Variants in ZIM2 observed in about 807,000 individuals in gnomAD.
ZIM2 encodes the protein zinc finger protein 656.
In ZIM2, 14 loss-of-function variants were observed where a neutral mutation model predicts 38.6. The ratio of observed to expected loss-of-function variants is 0.36; its 90% confidence interval spans 0.24 to 0.57. ZIM2 has a LOEUF of 0.57. ZIM2 is among the 20% of genes least tolerant of loss of function. The pLI is 0.81. For missense variants in ZIM2, 680 were observed against 695.1 expected (o/e 0.98, Z 0.24); for synonymous variants, 247 against 245.8 (o/e 1.00, Z -0.04).
At chr19:56,783,810 G>C (rs547158387) in intron 10 of ZIM2, among the ~76,000 whole-genome samples, 2 of 152,080 alleles carry the variant, frequency 1.3e-5, no homozygotes, top group Non-Finnish European at 2.9e-5. Context: ...ACCTGCACAT[G>C]TGTGCCCTGA....
chr19:56,820,056 T>C (rs759189024), intron 7 of ZIM2, among the ~76,000 whole-genome samples: 4 of 152,224 alleles, frequency 2.6e-5, no homozygotes, highest in East Asian at 1.9e-4. Flanking sequence ...CACGCTTTGA[T>C]TGAAAATTAA....
intron 9 of ZIM2, chr19:56,816,326 T>C: frequency 1.9e-6 from 3 of 1,614,160 alleles, no homozygotes; most frequent in Non-Finnish European, 2.5e-6. Flanking sequence ...CGAGAATGAA[T>C]TTTCTGATGC....
intron 9 of ZIM2, among the ~76,000 whole-genome samples, chr19:56,801,176 T>C (rs1056872426): frequency 6.6e-6 from 1 of 152,094 alleles, no homozygotes; most frequent in Admixed American, 6.5e-5. Context: ...GACCTCGTGA[T>C]CCACCTGCCT....
intron 7 of ZIM2, among the ~76,000 whole-genome samples, chr19:56,820,234 G>A (rs2060351493): frequency 6.6e-6 from 1 of 152,186 alleles, no homozygotes; most frequent in Non-Finnish European, 1.5e-5. Context: ...CTATACATGT[G>A]AACAATTAAG....
chr19:56,790,521 G>C (rs1234985660), intron 9 of ZIM2, among the ~76,000 whole-genome samples: 2 of 152,144 alleles, frequency 1.3e-5, no homozygotes, highest in Non-Finnish European at 2.9e-5. Context: ...CTACCCCTTA[G>C]TCACTTATTA....
chr19:56,797,807 C>T (rs556755512), intron 9 of ZIM2, among the ~76,000 whole-genome samples: 22 of 152,204 alleles, frequency 1.4e-4, no homozygotes, highest in African/African-American at 5.3e-4. Context: ...TGGGAGACTA[C>T]CTGAGACAGG....
chr19:56,816,568 T>C, intron 9 of ZIM2: 3 of 1,614,068 alleles, frequency 1.9e-6, no homozygotes, highest in Non-Finnish European at 2.5e-6. Flanking sequence ...TTCGTACATT[T>C]TCTCTTTACC....
At chr19:56,812,017 T>A in intron 9 of ZIM2, 1 of 984,982 alleles carries the variant, frequency 1.0e-6, no homozygotes, top group South Asian at 4.7e-5. Flanking sequence ...CAAGCCCTAA[T>A]CCTGCAGATC....
intron 3 of ZIM2, chr19:56,824,873 C>T (rs1418488011): frequency 3.7e-6 from 2 of 535,988 alleles, no homozygotes; most frequent in African/African-American, 3.8e-5. Flanking sequence ...AACAACCGCA[C>T]AAAGTTGGCC....
intron 9 of ZIM2, chr19:56,793,050 T>G (rs1476551612): frequency 1.3e-5 from 2 of 152,750 alleles, no homozygotes; most frequent in Non-Finnish European, 2.9e-5. Context: ...TTCCTGCCTC[T>G]TTGCTGTTCT....
At chr19:56,838,509 C>G (rs1304897077) in intron 1 of ZIM2, among the ~76,000 whole-genome samples, 1 of 152,128 alleles carries the variant, frequency 6.6e-6, no homozygotes, top group Non-Finnish European at 1.5e-5. Flanking sequence ...CCTCGCAGCT[C>G]CCCCACTAAG....
chr19:56,825,206 C>T (rs2060902358), intron 3 of ZIM2, among the ~76,000 whole-genome samples: 1 of 152,192 alleles, frequency 6.6e-6, no homozygotes, highest in African/African-American at 2.4e-5. Context: ...GGAGTTGGGG[C>T]AAATCCTCCC....
chr19:56,792,257 G>A (rs1454558824), intron 9 of ZIM2, among the ~76,000 whole-genome samples: 1 of 152,004 alleles, frequency 6.6e-6, no homozygotes, highest in Non-Finnish European at 1.5e-5. Flanking sequence ...AGAATCTGCG[G>A]TGGCTCTTGT....
intron 10 of ZIM2, among the ~76,000 whole-genome samples, chr19:56,788,475 C>T (rs1381600920): frequency 3.9e-5 from 6 of 152,140 alleles, no homozygotes; most frequent in Non-Finnish European, 8.8e-5. Flanking sequence ...ATATTGACCT[C>T]CACTCTCTTC....
intron 9 of ZIM2, chr19:56,813,822 C>A (rs1434329159): frequency 1.9e-6 from 3 of 1,614,088 alleles, no homozygotes; most frequent in Non-Finnish European, 2.5e-6. Context: ...CTGAGCACTC[C>A]CCAAAGGCAT....
At chr19:56,815,501 T>C (rs748937128) in intron 9 of ZIM2, 1 of 1,614,138 alleles carries the variant, frequency 6.2e-7, no homozygotes, top group Non-Finnish European at 8.5e-7. Context: ...AGGTCAGAGC[T>C]ATGAGCAAAG....
chr19:56,795,206 A>C (rs889339239), intron 9 of ZIM2, among the ~76,000 whole-genome samples: 2 of 152,150 alleles, frequency 1.3e-5, no homozygotes, highest in African/African-American at 2.4e-5. Context: ...CAGGCCCACC[A>C]GCGCAGAGCC....
At chr19:56,822,520 C>T (rs2060598659) in intron 6 of ZIM2, 2 of 438,128 alleles carry the variant, frequency 4.6e-6, no homozygotes, top group Admixed American at 4.0e-5. Flanking sequence ...AATGCACCAG[C>T]TTAAGAATAC....
chr19:56,774,759 G>A lies in ZIM2; in HGVS notation c.1606C>T (p.Arg536Ter), dbSNP rs144796320. Residue 536 changes from arginine to a stop codon, truncating the protein, a stop_gained, in exon 13 of 13, where the codon CGA (arginine) becomes TGA (stop). Coordinates refer to ENST00000629319, the MANE Select transcript of ZIM2 (RefSeq NM_001387356.1). LOFTEE classifies it low-confidence loss of function (END_TRUNC). ...TAATGTTGAGTGAGGTATGAGGGTCGGCCGAAACATTTCCCACATAGCTGA... is the reference window on the plus strand; with the variant it reads ...TAATGTTGAGTGAGGTATGAGGGTCAGCCGAAACATTTCCCACATAGCTGA... The part of the protein sequence containing the change: ...QCQLCGKCFG[R>*]PSYLTQHYQL... The A allele has an allele frequency of 7.6e-5, 123 of 1,613,926 alleles. No individual in the cohort carries two copies. The highest frequency in any genetic ancestry group is 9.7e-5 in the Non-Finnish European group (114 of 1,180,024).
Sources: gnomAD v4.1 joint callset for allele counts (sites outside exome capture counted in the v4.1 genomes callset) on GRCh38, gnomAD v4.1.1 for gene constraint, MANE v1.5 for transcripts, NCBI Gene and HGNC (gene_info 2026-07-23, HGNC 2026-07-21) for gene names.